The following MTUS2 variants were observed in gnomAD, a reference collection of about 807,000 sequenced individuals.
The protein encoded by MTUS2 is microtubule associated scaffold protein 2.
In MTUS2, 40 loss-of-function variants were observed where a neutral mutation model predicts 114.1. The ratio of observed to expected loss-of-function variants is 0.35; its 90% CI spans 0.27 to 0.46. The LOEUF (loss-of-function observed/expected upper bound fraction) is 0.46, where lower values mean the gene tolerates loss of function less well. MTUS2 is among the 20% of genes least tolerant of loss of function. MTUS2 has a pLI of 1.00. For missense variants in MTUS2, 1,679 were observed against 1,705.4 expected, an observed-to-expected ratio of 0.98 and a Z score of 0.27; for synonymous variants, 688 against 672.0, an observed-to-expected ratio of 1.02 and a Z score of -0.37.
At chr13:29,340,236 C>T (rs1358906119) in intron 7 of MTUS2, among the ~76,000 whole-genome samples, 1 of 152,200 alleles carries the variant, frequency 6.6e-6, no homozygotes, top group Non-Finnish European at 1.5e-5. Flanking sequence ...CTGATGGTCC[C>T]AGTCACTTGG....
At chr13:29,347,292 T>C (rs952418231) in intron 7 of MTUS2, among the ~76,000 whole-genome samples, 12 of 152,192 alleles carry the variant, frequency 7.9e-5, no homozygotes, top group Admixed American at 1.3e-4. Flanking sequence ...GTGTATGTGT[T>C]TAGTACATAA....
chr13:29,165,859 A>C (rs1893295543), intron 5 of MTUS2, among the ~76,000 whole-genome samples: 1 of 152,228 alleles, frequency 6.6e-6, no homozygotes, highest in South Asian at 2.1e-4. Context: ...AATTTCCACA[A>C]AATTGATGCA....
At chr13:28,922,685 G>A (rs755314293) in intron 2 of MTUS2, among the ~76,000 whole-genome samples, 2 of 152,132 alleles carry the variant, frequency 1.3e-5, no homozygotes, top group East Asian at 1.9e-4. Context: ...CAAACCAGGC[G>A]GCCACTGTCA....
chr13:29,220,211 G>A (rs777970869), intron 5 of MTUS2, among the ~76,000 whole-genome samples: 1 of 152,094 alleles, frequency 6.6e-6, no homozygotes, highest in Non-Finnish European at 1.5e-5. Flanking sequence ...ATGTTGTCCA[G>A]GCTGGTCTTG....
chr13:29,125,284 C>A (rs1343100809), intron 5 of MTUS2, among the ~76,000 whole-genome samples: 1 of 152,140 alleles, frequency 6.6e-6, no homozygotes, highest in Non-Finnish European at 1.5e-5. Context: ...AAATCTCTTG[C>A]ATCAGTGTGA....
intron 2 of MTUS2, among the ~76,000 whole-genome samples, chr13:29,006,353 ATGAATC>A (rs1194636878): frequency 1.3e-5 from 2 of 152,226 alleles, no homozygotes; most frequent in East Asian, 1.9e-4. Context: ...GTACATAGCA[ATGAATC>A]TGAACATATA....
chr13:29,127,341 C>T (rs2138939206), intron 5 of MTUS2, among the ~76,000 whole-genome samples: 1 of 152,316 alleles, frequency 6.6e-6, no homozygotes. Context: ...GGCCAGAGTA[C>T]CCACTTATTC....
intron 8 of MTUS2, among the ~76,000 whole-genome samples, chr13:29,409,583 C>A (rs1258373498): frequency 6.6e-6 from 1 of 152,128 alleles, no homozygotes; most frequent in Non-Finnish European, 1.5e-5. Context: ...CCTATTGTTT[C>A]TGTTTCATTC....
At chr13:28,909,066 A>C (rs1395293623) in intron 2 of MTUS2, among the ~76,000 whole-genome samples, 1 of 151,442 alleles carries the variant, frequency 6.6e-6, no homozygotes, top group Non-Finnish European at 1.5e-5. Flanking sequence ...TTTTGGTACC[A>C]GTACCATGCT....
At chr13:29,337,771 T>TTTTGTTTG (rs202103955) in intron 7 of MTUS2, among the ~76,000 whole-genome samples, 58 of 146,208 alleles carry the variant, frequency 4.0e-4, no homozygotes, top group Non-Finnish European at 3.9e-4. Context: ...CTGGCTAATT[T>TTTTGTTTG]TTTGTTTGTT....
At chr13:29,296,671 T>C (rs1239025716) in intron 6 of MTUS2, among the ~76,000 whole-genome samples, 1 of 152,192 alleles carries the variant, frequency 6.6e-6, no homozygotes, top group East Asian at 1.9e-4. Flanking sequence ...CTCAGTGTGG[T>C]TTTGATTTGC....
intron 8 of MTUS2, among the ~76,000 whole-genome samples, chr13:29,376,035 A>G (rs199995693): frequency 9.1e-6 from 1 of 110,142 alleles, no homozygotes; most frequent in Non-Finnish European, 1.9e-5. Context: ...GTGTATATAT[A>G]TATATGTGTG....
At chr13:29,295,025 A>G (rs1359412722) in intron 6 of MTUS2, among the ~76,000 whole-genome samples, 1 of 152,194 alleles carries the variant, frequency 6.6e-6, no homozygotes, top group Non-Finnish European at 1.5e-5. Flanking sequence ...AATGAGGCAC[A>G]GGTTTCCCAT....
intron 8 of MTUS2, among the ~76,000 whole-genome samples, chr13:29,377,847 A>G (rs544125288): frequency 6.6e-6 from 1 of 152,320 alleles, no homozygotes; most frequent in East Asian, 1.9e-4. Context: ...TGAAGTGGTC[A>G]ATGAAACTGA....
intron 2 of MTUS2, among the ~76,000 whole-genome samples, chr13:28,985,715 A>G (rs1185617500): frequency 6.6e-6 from 1 of 152,082 alleles, no homozygotes; most frequent in Non-Finnish European, 1.5e-5. Flanking sequence ...ATTATTCTGG[A>G]TATTTCTGTG....
chr13:28,965,230 A>G (rs1566256788), intron 2 of MTUS2, among the ~76,000 whole-genome samples: 1 of 152,214 alleles, frequency 6.6e-6, no homozygotes, highest in Non-Finnish European at 1.5e-5. Flanking sequence ...TGAGGTAGGC[A>G]GAAGTGGTAG....
intron 2 of MTUS2, among the ~76,000 whole-genome samples, chr13:28,989,950 A>C (rs1884757152): frequency 6.6e-6 from 1 of 151,836 alleles, no homozygotes; most frequent in Non-Finnish European, 1.5e-5. Flanking sequence ...TATGAGGGTC[A>C]GATTTGGCCT....
At chr13:29,353,716 C>T (rs1333330407) in intron 7 of MTUS2, among the ~76,000 whole-genome samples, 1 of 152,188 alleles carries the variant, frequency 6.6e-6, no homozygotes, top group African/African-American at 2.4e-5. Context: ...GCACTTCTTC[C>T]TGGCTAATTT....
At chr13:29,068,676 C>T (rs17651128) in intron 4 of MTUS2, among the ~76,000 whole-genome samples, 26,780 of 151,802 alleles carry the variant, frequency 0.18, 2,597 homozygotes, top group Middle Eastern at 0.22. Context: ...TAGTGTAGTA[C>T]GAAGGGCAAA....
Sources: allele counts gnomAD v4.1 joint callset (sites outside exome capture counted in the v4.1 genomes callset), GRCh38; gene constraint gnomAD v4.1.1; transcripts MANE v1.5; gene names NCBI Gene and HGNC (gene_info 2026-07-23, HGNC 2026-07-21).